The following PLIN3 variants were observed in gnomAD, a reference collection of about 807,000 sequenced individuals.
PLIN3 encodes the protein perilipin-3.
A neutral mutation model predicts 35.9 loss-of-function variants in PLIN3; 30 were observed. The ratio of observed to expected loss-of-function variants is 0.84; its 90% CI spans 0.62 to 1.13. PLIN3 has a LOEUF of 1.13. Ranked by LOEUF, PLIN3 falls within the 50% of genes most tolerant of loss-of-function variation. The pLI, the probability that PLIN3 is intolerant of heterozygous loss-of-function variation, is 0.00. For synonymous variants in PLIN3, 261 were observed against 262.5 expected (o/e 0.99, Z 0.06); for missense variants, 603 against 596.9 (o/e 1.01, Z -0.11).
chr19:4,860,009 G>T lies in PLIN3; in HGVS notation c.82C>A (p.Arg28Ser). 2 of 1,614,044 alleles carry T rather than the reference G, an allele frequency of 1.2e-6. No individual in the cohort carries two copies. The highest frequency in any genetic ancestry group is 2.2e-5 in the South Asian group (2 of 91,078). The change falls in exon 3 of 8, where the codon CGT becomes AGT. Residue 28 changes from arginine to serine, a missense_variant. Arg to Ser is a moderately radical substitution (Grantham distance 110, BLOSUM62 -1). Coordinates refer to ENST00000221957, the MANE Select transcript of PLIN3 (RefSeq NM_005817.5). Reference sequence around the variant, plus strand: ...CTGATCAGAGGCATGCTGGCCACACGGTCCACCACACTGGGCTACAGGAGA... The same window carrying T: ...CTGATCAGAGGCATGCTGGCCACACTGTCCACCACACTGGGCTACAGGAGA... ...EPVQQPSVVD[R>S]VASMPLISST...
Position 4,852,187 on chromosome 19 carries a change from G to A in PLIN3, c.463C>T (p.Arg155Cys), listed in dbSNP as rs141739481. 42 of 1,613,230 alleles carry A rather than the reference G, an allele frequency of 2.6e-5. No individual in the cohort carries two copies. Among genetic ancestry groups the A allele is most frequent in the Middle Eastern group, 1.6e-4 (1 of 6,084 alleles). ...TQLSEAVDAT[R>C]GAVQSGVDKT... ...TCCACGCCGCTCTGCACAGCACCGC[G>A]GGTCGCGTCCACCGCCTCCGACAAT... The change falls in exon 5 of 8, where the codon CGC becomes TGC. Residue 155 changes from arginine (R) to cysteine (C), a missense_variant. Transcript: ENST00000221957.
chr19:4,840,782 C>T (rs2029880286), intron 7 of PLIN3, among the ~76,000 whole-genome samples: 1 of 152,136 alleles, frequency 6.6e-6, no homozygotes, highest in Non-Finnish European at 1.5e-5. Flanking sequence ...CGCATTTCTA[C>T]TAAAGATACA....
At position 4,859,877 on chromosome 19, in the gene PLIN3, C is replaced by T. The variant is rs753038078; in HGVS notation, c.214G>A (p.Ala72Thr). The T allele has an allele frequency of 6.2e-7, 1 of 1,613,594 alleles. No homozygotes were observed. The highest frequency in any genetic ancestry group is 1.1e-5 in the South Asian group (1 of 91,046). The change falls in exon 3 of 8, where the codon GCG (alanine) becomes ACG (threonine). Residue 72 changes from alanine to threonine, a missense_variant. Physicochemically the swap from Ala to Thr is moderately conservative, Grantham distance 58. Coordinates refer to ENST00000221957, the MANE Select transcript of PLIN3 (RefSeq NM_005817.5). The part of the protein sequence containing the change: ...AAEKGVRTLT[A>T]AAVSGAQPIL... Reference sequence around the variant, plus strand: ...GGCTGAGCCCCGCTGACAGCAGCCGCCGTGAGGGTCCTCACTCCCTTCTCT... The same window carrying T: ...GGCTGAGCCCCGCTGACAGCAGCCGTCGTGAGGGTCCTCACTCCCTTCTCT...
intron 7 of PLIN3, among the ~76,000 whole-genome samples, chr19:4,843,228 A>C (rs188273449): frequency 0.03 from 3,977 of 130,614 alleles, 78 homozygotes; most frequent in Middle Eastern, 0.048. Context: ...ATAAATAGGC[A>C]GGGTGCGGTG....
At chr19:4,864,911 G>A (rs768919119) in intron 1 of PLIN3, among the ~76,000 whole-genome samples, 2 of 152,280 alleles carry the variant, frequency 1.3e-5, no homozygotes, top group African/African-American at 2.4e-5. Context: ...AGGCTAAAGG[G>A]TCGGGCATGG....
chr19:4,841,740 A>C (rs2029896462), intron 7 of PLIN3, among the ~76,000 whole-genome samples: 1 of 151,282 alleles, frequency 6.6e-6, no homozygotes. Flanking sequence ...ATCTCTACTA[A>C]AAAAACACAA....
chr19:4,843,700 G>A (rs1198400725), intron 7 of PLIN3, among the ~76,000 whole-genome samples: 1 of 151,796 alleles, frequency 6.6e-6, no homozygotes, highest in African/African-American at 2.4e-5. Flanking sequence ...GCCAGGCATC[G>A]TGGCACACGC....
Position 4,839,257 on chromosome 19 carries a change from C to G in PLIN3, c.1240G>C (p.Val414Leu). The change falls in exon 8 of 8, where the codon GTC becomes CTC. Residue 414 changes from valine (V) to leucine (L), a missense_variant. Val to Leu is a conservative substitution (Grantham distance 32). Coordinates refer to ENST00000221957, the MANE Select transcript of PLIN3 (RefSeq NM_005817.5). ...GCAAAGGGTCCCACGAGCCACGTGA[C>G]AGGTGTGTTCTGGGCCACATATTCC... is the stretch of plus-strand genomic sequence containing the variant. ...MVEYVAQNTP[V>L]TWLVGPFAPG... 6.2e-7 allele frequency: 1 copy of G among 1,613,338 alleles called. No individual in the cohort carries two copies. Among genetic ancestry groups the G allele is most frequent in the Non-Finnish European group, 8.5e-7 (1 of 1,179,414 alleles).
chr19:4,857,585 T>G (rs1415509180), intron 4 of PLIN3, among the ~76,000 whole-genome samples: 1 of 152,016 alleles, frequency 6.6e-6, no homozygotes, highest in Non-Finnish European at 1.5e-5. Context: ...AAAATTTTTT[T>G]TTTTAATGTT....
chr19:4,851,473 AAATAAATT>A (rs1482228824), intron 5 of PLIN3, among the ~76,000 whole-genome samples: 3 of 152,034 alleles, frequency 2.0e-5, no homozygotes, highest in African/African-American at 7.2e-5. Flanking sequence ...CTAAATAAAT[AAATAAATT>A]AATTAAAGAA....
chr19:4,861,324 C>T lies in PLIN3; in HGVS notation c.66+5G>A, dbSNP rs377357120. ...GGGCAGTCCCTGGTCCCGGCCCTTC[C>T]TCACCTGCTGTACCGGTTCTTCCAC... On this transcript the variant is annotated splice_donor_5th_base_variant and intron_variant, in intron 2 of 7. Transcript: ENST00000221957. The T allele has an allele frequency of 1.3e-5, 21 of 1,613,150 alleles. No individual in the cohort carries two copies. The highest frequency in any genetic ancestry group is 1.6e-5 in the Non-Finnish European group (19 of 1,179,430).
chr19:4,856,446 T>TA (rs1015108928), intron 4 of PLIN3, among the ~76,000 whole-genome samples: 2 of 151,780 alleles, frequency 1.3e-5, no homozygotes, highest in African/African-American at 4.8e-5. Context: ...TAATCCCAGC[T>TA]ACTCGGGAGG....
At position 4,859,965 on chromosome 19, in the gene PLIN3, C is replaced by T. The variant is rs1366195849; in HGVS notation, c.126G>A (p.Val42=). 7 of 1,614,016 alleles carry T rather than the reference C, an allele frequency of 4.3e-6. No individual in the cohort carries two copies. The South Asian group carries it at 7.7e-5, about 18-fold the overall frequency. ...MPLISSTCDM[V]SAAYASTKES... is the part of the protein sequence containing the mutation. Reference sequence around the variant, plus strand: ...CCTTGGTGGAGGCATAGGCTGCGGACACCATGTCGCAGGTGGAGCTGATCA... The same window carrying T: ...CCTTGGTGGAGGCATAGGCTGCGGATACCATGTCGCAGGTGGAGCTGATCA... The change falls in exon 3 of 8, where the codon GTG becomes GTA. Residue 42 remains valine (V), a synonymous_variant. Transcript: ENST00000221957.
At chr19:4,859,385 G>C (rs1450182116) in intron 4 of PLIN3, among the ~76,000 whole-genome samples, 1 of 152,122 alleles carries the variant, frequency 6.6e-6, no homozygotes, top group East Asian at 1.9e-4. Flanking sequence ...AGATGGGCAT[G>C]GTTGCAGGCG....
Position 4,847,822 on chromosome 19 carries a change from A to C in PLIN3, c.703T>G (p.Tyr235Asp). The C allele has an allele frequency of 1.2e-6, 2 of 1,613,932 alleles. No individual in the cohort carries two copies. The highest frequency in any genetic ancestry group is 1.7e-6 in the Non-Finnish European group (2 of 1,179,976). The part of the protein sequence containing the change: ...SVQQQRQEQS[Y>D]FVRLGSLSER... Reference sequence around the variant, plus strand: ...GACAGGGAGCCCAGACGTACGAAGTAGCTCTGTTCCTGCCGCTGCTGCTGC... The same window carrying C: ...GACAGGGAGCCCAGACGTACGAAGTCGCTCTGTTCCTGCCGCTGCTGCTGC... Residue 235 changes from tyrosine to aspartate, a missense_variant, in exon 6 of 8, where the codon TAC (tyrosine) becomes GAC (aspartate). Tyr to Asp is a radical substitution (Grantham distance 160). Transcript: ENST00000221957.
chr19:4,846,514 C>T (rs1290909619), intron 6 of PLIN3, among the ~76,000 whole-genome samples: 1 of 151,778 alleles, frequency 6.6e-6, no homozygotes, highest in Non-Finnish European at 1.5e-5. Context: ...GCCCGGCCAA[C>T]ATAGTGAAAC....
At chr19:4,843,510 A>AAAAATAAATAAATAAAT (rs1555733213) in intron 7 of PLIN3, among the ~76,000 whole-genome samples, 5 of 139,442 alleles carry the variant, frequency 3.6e-5, no homozygotes, top group Non-Finnish European at 7.7e-5. Context: ...TCCATCTCAA[A>AAAAATAAATAAATAAAT]AAATAAATAA....
chr19:4,846,675 G>T (rs1250794178), intron 6 of PLIN3, among the ~76,000 whole-genome samples: 1 of 151,992 alleles, frequency 6.6e-6, no homozygotes, highest in Non-Finnish European at 1.5e-5. Context: ...CTCCCGCCTG[G>T]GCAACAGAGC....
At chr19:4,850,587 ATTTTT>A (rs71170860) in intron 5 of PLIN3, among the ~76,000 whole-genome samples, 1 of 124,642 alleles carries the variant, frequency 8.0e-6, no homozygotes, top group Non-Finnish European at 1.6e-5. Flanking sequence ...CGCCCGGCTA[ATTTTT>A]TTTTTTTTTT....
Sources: allele counts gnomAD v4.1 joint callset (sites outside exome capture counted in the v4.1 genomes callset), GRCh38; gene constraint gnomAD v4.1.1; transcripts MANE v1.5; gene names NCBI Gene and HGNC (gene_info 2026-07-23, HGNC 2026-07-21).